The following SMAD2 variants were observed in gnomAD, a reference collection of about 807,000 sequenced individuals.
The protein encoded by SMAD2 is MAD homolog 2.
SMAD2 carries 8 observed loss-of-function variants against 64.4 expected under a neutral mutation model. The ratio of observed to expected loss-of-function variants is 0.12; its 90% CI spans 0.07 to 0.22. The LOEUF (loss-of-function observed/expected upper bound fraction) is 0.22, where lower values mean the gene tolerates loss of function less well. Among genes scored for constraint, SMAD2 ranks in the 10% least tolerant of loss-of-function variants. The pLI is 1.00. For missense variants in SMAD2, 289 were observed against 561.2 expected, an observed-to-expected ratio of 0.51 and a Z score of 4.90; for synonymous variants, 203 against 195.8, an observed-to-expected ratio of 1.04 and a Z score of -0.31.
intron 1 of SMAD2, among the ~76,000 whole-genome samples, chr18:47,907,526 C>T (rs1048785359): frequency 6.6e-6 from 1 of 152,226 alleles, no homozygotes; most frequent in Non-Finnish European, 1.5e-5. Flanking sequence ...GACAGAAGCA[C>T]AAAGTACCTT....
Position 47,835,218 on chromosome 18 carries a change from G to C in SMAD2, c.*6609C>G, listed in dbSNP as rs1705221793. ...CAAAACTGAGGTGTGAGGTTACACT[G>C]GTCTAAGAAAGTACCAATTTGGGTT... is the stretch of plus-strand genomic sequence containing the variant. On this transcript the variant is annotated 3_prime_UTR_variant, in exon 11 of 11. Transcript: ENST00000262160. The C allele has an allele frequency of 4.6e-6, 1 of 219,718 alleles. No homozygotes were observed. Among genetic ancestry groups the C allele is most frequent in the African/African-American group, 2.2e-5 (1 of 44,528 alleles). The allele number at this position is 219,718 out of a possible 1,614,324, so 13.6% of individuals were successfully genotyped here.
In SMAD2 at chr18:47,814,355, A is replaced by C. The variant is rs771715548; in HGVS notation, c.*27472T>G. On this transcript the variant is annotated 3_prime_UTR_variant, in exon 11 of 11. Coordinates refer to ENST00000262160, the MANE Select transcript of SMAD2 (RefSeq NM_005901.6). ...CTAGGAAGATGATAAGTAGTCTTCA[A>C]AGTCAGACTTTACTGAGAATGAGAA... is the stretch of plus-strand genomic sequence containing the variant. 7 of 152,222 alleles carry C rather than the reference A, an allele frequency of 4.6e-5. No homozygotes were observed. The highest frequency in any genetic ancestry group is 1.0e-4 in the Non-Finnish European group (7 of 68,030). The allele number at this position is 152,222 out of a possible 1,614,324, so 9.4% of individuals were successfully genotyped here.
chr18:47,875,163 G>A (rs149069871), intron 2 of SMAD2, among the ~76,000 whole-genome samples: 3 of 152,146 alleles, frequency 2.0e-5, no homozygotes, highest in Non-Finnish European at 4.4e-5. Flanking sequence ...TATGTTAACT[G>A]CCCCTTCCTA....
At chr18:47,853,030 T>C (rs953711923) in intron 6 of SMAD2, among the ~76,000 whole-genome samples, 14 of 152,122 alleles carry the variant, frequency 9.2e-5, no homozygotes, top group African/African-American at 1.2e-4. Flanking sequence ...AAGAGCATAA[T>C]TGTAGAATAA....
At position 47,841,586 on chromosome 18, in the gene SMAD2, C is replaced by A; in HGVS notation, c.*241G>T. On this transcript the variant is annotated 3_prime_UTR_variant, in exon 11 of 11. Transcript: ENST00000262160. ...CTCAGTTTTATGCCCAATAAGACATCATTAAGTCTTTAAAATCTTCTCTTC... is the reference window on the plus strand; with the variant it reads ...CTCAGTTTTATGCCCAATAAGACATAATTAAGTCTTTAAAATCTTCTCTTC... 3.7e-6 allele frequency: 2 copies of A among 543,916 alleles called. No individual in the cohort carries two copies. Among genetic ancestry groups the A allele is most frequent in the Non-Finnish European group, 3.3e-6 (1 of 301,728 alleles). 33.7% of individuals were successfully genotyped at this position (543,916 alleles called of 1,614,324 possible).
intron 2 of SMAD2, among the ~76,000 whole-genome samples, chr18:47,894,860 C>A (rs536860841): frequency 6.6e-6 from 1 of 152,192 alleles, no homozygotes; most frequent in East Asian, 1.9e-4. Context: ...CCAAGCACTA[C>A]ACAATGAAGA....
rs1430154332 is a variant in SMAD2, at chr18:47,834,786, T to C, written c.*7041A>G. The C allele has an allele frequency of 1.4e-5, 3 of 220,694 alleles. No individual in the cohort carries two copies. Among genetic ancestry groups the C allele is most frequent in the African/African-American group, 6.7e-5 (3 of 44,642 alleles). The allele number at this position is 220,694 out of a possible 1,614,324, so 13.7% of individuals were successfully genotyped here. A position where few individuals can be genotyped will look rare whatever the true frequency, so the allele number is the denominator to read the frequency against. On this transcript the variant is annotated 3_prime_UTR_variant, in exon 11 of 11. Transcript: ENST00000262160. ...TTTGTCCAGTTATATGGTATTTTAC[T>C]GTATTCTCTTTTTGCAATTAATCCA...
chr18:47,917,912 C>T (rs2034398337), intron 1 of SMAD2, among the ~76,000 whole-genome samples: 1 of 152,042 alleles, frequency 6.6e-6, no homozygotes. Flanking sequence ...AAGGAGAAAA[C>T]AGAAGCAAAA....
chr18:47,835,316 A>G lies in SMAD2; in HGVS notation c.*6511T>C. ...GCATGTTACCTACTTGTCATGTGTGAATTATTTCTCACAATTTTAATTAAT... is the reference window on the plus strand; with the variant it reads ...GCATGTTACCTACTTGTCATGTGTGGATTATTTCTCACAATTTTAATTAAT... On this transcript the variant is annotated 3_prime_UTR_variant, in exon 11 of 11. Transcript: ENST00000262160. 4.8e-6 allele frequency: 1 copy of G among 206,724 alleles called. No homozygotes were observed. The highest frequency in any genetic ancestry group is 9.9e-6 in the Non-Finnish European group (1 of 101,180). 12.8% of individuals were successfully genotyped at this position (206,724 alleles called of 1,614,324 possible). A position where few individuals can be genotyped will look rare whatever the true frequency, so the allele number is the denominator to read the frequency against.
intron 1 of SMAD2, chr18:47,923,564 AC>A (rs1268390917): frequency 6.6e-6 from 1 of 152,180 alleles, no homozygotes; most frequent in African/African-American, 2.4e-5. Flanking sequence ...GCTGGCAGCT[AC>A]CTGTTAAGAT....
chr18:47,849,889 T>C (rs908040814), intron 7 of SMAD2, among the ~76,000 whole-genome samples: 2 of 151,364 alleles, frequency 1.3e-5, no homozygotes, highest in Non-Finnish European at 2.9e-5. Context: ...GCACCTGTAG[T>C]CCCAGCTACT....
At chr18:47,925,094 G>A (rs1184645906) in intron 1 of SMAD2, among the ~76,000 whole-genome samples, 1 of 152,180 alleles carries the variant, frequency 6.6e-6, no homozygotes, top group African/African-American at 2.4e-5. Context: ...TGACACTGTA[G>A]ATTATTCAAG....
At chr18:47,901,623 T>C (rs900711381) in intron 1 of SMAD2, among the ~76,000 whole-genome samples, 1 of 152,172 alleles carries the variant, frequency 6.6e-6, no homozygotes, top group Non-Finnish European at 1.5e-5. Context: ...TTATTCATCC[T>C]TCACTTAACA....
chr18:47,909,575 C>CT (rs2034040269), intron 1 of SMAD2, among the ~76,000 whole-genome samples: 1 of 152,150 alleles, frequency 6.6e-6, no homozygotes, highest in Non-Finnish European at 1.5e-5. Context: ...AAAGGACAGG[C>CT]TAACTCTACT....
chr18:47,854,639 GGTTTT>G (rs1209871982), intron 6 of SMAD2, among the ~76,000 whole-genome samples: 5 of 97,642 alleles, frequency 5.1e-5, no homozygotes, highest in African/African-American at 1.9e-4. Flanking sequence ...TATTCACCCA[GGTTTT>G]TTTTTAAAAA....
intron 6 of SMAD2, among the ~76,000 whole-genome samples, chr18:47,854,558 A>G (rs1311988334): frequency 6.6e-6 from 1 of 152,096 alleles, no homozygotes; most frequent in Admixed American, 6.5e-5. Context: ...TCTATTAACT[A>G]TCTTTTTCTT....
intron 8 of SMAD2, among the ~76,000 whole-genome samples, chr18:47,847,353 A>C (rs1001744006): frequency 6.6e-6 from 1 of 152,066 alleles, no homozygotes; most frequent in African/African-American, 2.4e-5. Flanking sequence ...ATTACTTCTC[A>C]CAGGAGGTAA....
rs75907935 is a variant in SMAD2 at position 47,918,538 on chromosome 18, C to T, written c.-54+11823G>A. Among the ~76,000 whole-genome samples the T allele has an allele frequency of 3.2e-3, 482 of 152,262 alleles. 2 individuals are homozygous for T. The highest frequency in any genetic ancestry group is 0.011 in the African/African-American group (444 of 41,540). ...GAGTTTTTGATCAGCTTTTTAGATC[C>T]CCACTTCTTAAGAATTACTTTATCT... On this transcript the variant is annotated intron_variant, in intron 1 of 10. Coordinates refer to ENST00000262160, the MANE Select transcript of SMAD2 (RefSeq NM_005901.6).
At position 47,811,099 on chromosome 18, in the gene SMAD2, T is replaced by C. The variant is rs1017128933; in HGVS notation, c.*30728A>G. 1 of 152,256 alleles carries C rather than the reference T, an allele frequency of 6.6e-6. No individual in the cohort carries two copies. The highest frequency in any genetic ancestry group is 2.4e-5 in the African/African-American group (1 of 41,446). The allele number at this position is 152,256 out of a possible 1,614,324, so 9.4% of individuals were successfully genotyped here. ...GTGCAATAAAGAAAGTAAAAATTAG[T>C]TGCTGTCCACTTGGCTTCCAGGAAC... On this transcript the variant is annotated 3_prime_UTR_variant, in exon 11 of 11. Transcript: ENST00000262160.
Sources: allele counts gnomAD v4.1 joint callset (sites outside exome capture counted in the v4.1 genomes callset), GRCh38; gene constraint gnomAD v4.1.1; transcripts MANE v1.5; gene names NCBI Gene and HGNC (gene_info 2026-07-23, HGNC 2026-07-21).